AGPAT1: variants seen among roughly 807,000 people sequenced by gnomAD.
AGPAT1 encodes the protein 1-acyl-sn-glycerol-3-phosphate acyltransferase alpha.
In AGPAT1, 6 loss-of-function variants were observed where a neutral mutation model predicts 31.2. The observed-to-expected ratio is 0.19, with a 90% confidence interval of 0.11 to 0.38. AGPAT1 has a LOEUF of 0.38. Among genes scored for constraint, AGPAT1 ranks in the 10% least tolerant of loss-of-function variants. AGPAT1 has a pLI of 1.00. For missense variants in AGPAT1, 187 were observed against 377.8 expected (o/e 0.49, Z 4.19); for synonymous variants, 139 against 154.0 (o/e 0.90, Z 0.72).
At chr6:32,176,146 C>T (rs955195137), upstream of AGPAT1, 18 of 985,346 alleles carry the variant, frequency 1.8e-5, no homozygotes, top group Admixed American at 4.9e-4. Context: ...AAGTGGAGGG[C>T]GGTGATGGGC....
Position 32,170,499 on chromosome 6 carries a change from AGAT to A in AGPAT1, c.433_435del (p.Ile145del). 6.2e-7 allele frequency: 1 copy of A among 1,613,084 alleles called. No individual in the cohort carries two copies. Among genetic ancestry groups the A allele is most frequent in the Non-Finnish European group, 8.5e-7 (1 of 1,180,038 alleles). On this transcript the variant is annotated inframe_deletion, in exon 4 of 7. Coordinates refer to ENST00000375107, the MANE Select transcript of AGPAT1 (RefSeq NM_006411.4). The surrounding 1 kb of genome is among the most constrained non-coding windows in gnomAD (Gnocchi z 7.7). Reference sequence around the variant, plus strand: ...TCCCCCGTGCGCTTCCGGTCGATGAAGATGACTCCTGCCAGCCAGCAGGCCAGC... The same window carrying A: ...TCCCCCGTGCGCTTCCGGTCGATGAAGACTCCTGCCAGCCAGCAGGCCAGC...
Position 32,169,555 on chromosome 6 carries a change from C to T in AGPAT1, c.680-107G>A, listed in dbSNP as rs1784869930. 7.2e-7 allele frequency: 1 copy of T among 1,391,384 alleles called. No individual in the cohort carries two copies. Among genetic ancestry groups the T allele is most frequent in the Non-Finnish European group, 9.8e-7 (1 of 1,021,754 alleles). The allele number at this position is 1,391,384 out of a possible 1,614,324, so 86.2% of individuals were successfully genotyped here. A position where few individuals can be genotyped will look rare whatever the true frequency, so the allele number is the denominator to read the frequency against. ...TCCTCAACCTTTCAGTTCTCTTCCC[C>T]CAACCCTGGACAACCATCCCTGGGC... On this transcript the variant is annotated intron_variant, in intron 6 of 6. Coordinates refer to ENST00000375107, the MANE Select transcript of AGPAT1 (RefSeq NM_006411.4). This position sits in a 1 kb window ranked among gnomAD's most constrained non-coding sequence, Gnocchi z 5.9.
In AGPAT1 at chr6:32,172,828, C is replaced by A. The variant is rs952752222; in HGVS notation, c.-9-1323G>T. On this transcript the variant is annotated intron_variant, in intron 1 of 6. Transcript: ENST00000375107. This position sits in a 1 kb window ranked among gnomAD's most constrained non-coding sequence, Gnocchi z 4.3. Reference sequence around the variant, plus strand: ...AGACTAACATGTTCACACATAGACACAAATTTATAATTACACCCAGTGACA... The same window carrying A: ...AGACTAACATGTTCACACATAGACAAAAATTTATAATTACACCCAGTGACA... 1 of 152,162 alleles carries A rather than the reference C, an allele frequency of 6.6e-6. No individual in the cohort carries two copies. Among genetic ancestry groups the A allele is most frequent in the African/African-American group, 2.4e-5 (1 of 41,426 alleles). The allele number at this position is 152,162 out of a possible 1,614,324, so 9.4% of individuals were successfully genotyped here. A position where few individuals can be genotyped will look rare whatever the true frequency, so the allele number is the denominator to read the frequency against.
In AGPAT1 at chr6:32,170,063, G is replaced by T. The variant is rs1425160341; in HGVS notation, c.607-25C>A. On this transcript the variant is annotated intron_variant, in intron 5 of 6. Coordinates refer to ENST00000375107, the MANE Select transcript of AGPAT1 (RefSeq NM_006411.4). The surrounding 1 kb of genome is among the most constrained non-coding windows in gnomAD (Gnocchi z 7.7). ...CCTGGGGAAGGGTTAAAGCAGGTCA[G>T]TCCACAGCTCTCTTCAGAGACTCCT... 1 of 1,611,960 alleles carries T rather than the reference G, an allele frequency of 6.2e-7. No individual in the cohort carries two copies.
Position 32,170,294 on chromosome 6 carries a change from C to T in AGPAT1, c.511-34G>A, listed in dbSNP as rs769583993. The stretch of plus-strand genomic sequence containing the variant: ...GAAAGAGGGTCAAAGAAGACAAATA[C>T]ATATGGAGGAGTCAGAATAGGTGTG... On this transcript the variant is annotated intron_variant, in intron 4 of 6. Transcript: ENST00000375107. This position sits in a 1 kb window ranked among gnomAD's most constrained non-coding sequence, Gnocchi z 7.7. 5.0e-6 allele frequency: 8 copies of T among 1,607,300 alleles called. No individual in the cohort carries two copies. The highest frequency in any genetic ancestry group is 1.1e-5 in the South Asian group (1 of 90,446).
rs1785496536 is a variant in AGPAT1 at position 32,175,852 on chromosome 6, C to T, written c.-48G>A. ...GGGGCCTGGGGGGCTGGCCCCCTCC[C>T]CAGCCAGGCTGCGGCAGCGGTGGTG... is the stretch of plus-strand genomic sequence containing the variant. On this transcript the variant is annotated 5_prime_UTR_variant, in exon 1 of 7. Coordinates refer to ENST00000375107, the MANE Select transcript of AGPAT1 (RefSeq NM_006411.4). This position sits in a 1 kb window ranked among gnomAD's most constrained non-coding sequence, Gnocchi z 4.5. The T allele has an allele frequency of 1.0e-6, 1 of 986,432 alleles. No individual in the cohort carries two copies. Among genetic ancestry groups the T allele is most frequent in the Non-Finnish European group, 1.2e-6 (1 of 830,714 alleles). The allele number at this position is 986,432 out of a possible 1,614,324, so 61.1% of individuals were successfully genotyped here. A position where few individuals can be genotyped will look rare whatever the true frequency, so the allele number is the denominator to read the frequency against.
Position 32,170,640 on chromosome 6 carries a change from CAG to C in AGPAT1, c.335-42_335-41del, listed in dbSNP as rs1785005709. ...GAGTGGGTGAGGATCGGGGTGGAGGCAGAGTGTCACAGAAGGCAACCCACCTC... is the reference window on the plus strand; with the variant it reads ...GAGTGGGTGAGGATCGGGGTGGAGGCAGTGTCACAGAAGGCAACCCACCTC... On this transcript the variant is annotated intron_variant, in intron 3 of 6. Transcript: ENST00000375107. The surrounding 1 kb of genome is among the most constrained non-coding windows in gnomAD (Gnocchi z 7.7). 1 of 1,600,250 alleles carries C rather than the reference CAG, an allele frequency of 6.2e-7. No homozygotes were observed.
At position 32,169,917 on chromosome 6, in the gene AGPAT1, C is replaced by T. The variant is rs753595902; in HGVS notation, c.679+49G>A. 14 of 1,531,658 alleles carry T rather than the reference C, an allele frequency of 9.1e-6. No homozygotes were observed. Among genetic ancestry groups the T allele is most frequent in the Admixed American group, 8.4e-5 (5 of 59,400 alleles). The allele number at this position is 1,531,658 out of a possible 1,614,324, so 94.9% of individuals were successfully genotyped here. On this transcript the variant is annotated intron_variant, in intron 6 of 6. Transcript: ENST00000375107. This position sits in a 1 kb window ranked among gnomAD's most constrained non-coding sequence, Gnocchi z 5.9. Reference sequence around the variant, plus strand: ...TCCCCCTGCCTCACAGGGATGTCCTCCCAGCCTCTCCGGACACACCCTACC... The same window carrying T: ...TCCCCCTGCCTCACAGGGATGTCCTTCCAGCCTCTCCGGACACACCCTACC...
chr6:32,171,709 C>T lies in AGPAT1; in HGVS notation c.-9-204G>A. The T allele has an allele frequency of 1.6e-6, 1 of 638,450 alleles. No individual in the cohort carries two copies. The allele number at this position is 638,450 out of a possible 1,614,324, so 39.5% of individuals were successfully genotyped here. ...AAAGAGCTCAGGACTGCTCTCCCAC[C>T]ACTCTTCCCAAAGGCTCCGGATATA... On this transcript the variant is annotated intron_variant, in intron 1 of 6. Transcript: ENST00000375107. The surrounding 1 kb of genome is among the most constrained non-coding windows in gnomAD (Gnocchi z 6.9).
rs1785500979 is a variant in AGPAT1, at chr6:32,175,917, C to G, written c.-113G>C. 1 of 985,934 alleles carries G rather than the reference C, an allele frequency of 1.0e-6. No homozygotes were observed. Among genetic ancestry groups the G allele is most frequent in the Non-Finnish European group, 1.2e-6 (1 of 830,324 alleles). The allele number at this position is 985,934 out of a possible 1,614,324, so 61.1% of individuals were successfully genotyped here. A position where few individuals can be genotyped will look rare whatever the true frequency, so the allele number is the denominator to read the frequency against. ...CTCTGTCTCTGTCGGGGTGTCGGTG[C>G]CAAGGGGGCGACGGGATTTGGGGGT... On this transcript the variant is annotated 5_prime_UTR_variant, in exon 1 of 7. Transcript: ENST00000375107. This position sits in a 1 kb window ranked among gnomAD's most constrained non-coding sequence, Gnocchi z 4.5.
chr6:32,171,826 G>A lies in AGPAT1; in HGVS notation c.-9-321C>T, dbSNP rs1785133723. 2.0e-6 allele frequency: 1 copy of A among 507,372 alleles called. No homozygotes were observed. The highest frequency in any genetic ancestry group is 3.6e-6 in the Non-Finnish European group (1 of 280,918). 31.4% of individuals were successfully genotyped at this position (507,372 alleles called of 1,614,324 possible). A position where few individuals can be genotyped will look rare whatever the true frequency, so the allele number is the denominator to read the frequency against. On this transcript the variant is annotated intron_variant, in intron 1 of 6. Coordinates refer to ENST00000375107, the MANE Select transcript of AGPAT1 (RefSeq NM_006411.4). This position sits in a 1 kb window ranked among gnomAD's most constrained non-coding sequence, Gnocchi z 6.9. ...GAATAATAGCTAACACTTGTAGCTG[G>A]TAAGGGTCTTATAATGGTCTATACT...
In AGPAT1 at chr6:32,171,244, A is replaced by G. The variant is rs1177534886; in HGVS notation, c.200+53T>C. 2 of 1,611,344 alleles carry G rather than the reference A, an allele frequency of 1.2e-6. No individual in the cohort carries two copies. Among genetic ancestry groups the G allele is most frequent in the Non-Finnish European group, 1.7e-6 (2 of 1,179,442 alleles). Reference sequence around the variant, plus strand: ...CCATGCCCCCTTCCCCCAATCCACTACTCACTTTGTACCCTTAGGTTCCCT... The same window carrying G: ...CCATGCCCCCTTCCCCCAATCCACTGCTCACTTTGTACCCTTAGGTTCCCT... On this transcript the variant is annotated intron_variant, in intron 2 of 6. Transcript: ENST00000375107. This position sits in a 1 kb window ranked among gnomAD's most constrained non-coding sequence, Gnocchi z 6.9.
At chr6:32,177,356 G>T, upstream of AGPAT1, 1 of 352,744 alleles carries the variant, frequency 2.8e-6, no homozygotes, top group Non-Finnish European at 5.1e-6. Flanking sequence ...GGAAAGGGCG[G>T]GTCTAGCCTC....
upstream of AGPAT1, chr6:32,177,212 T>G: frequency 2.5e-6 from 1 of 397,828 alleles, no homozygotes; most frequent in Non-Finnish European, 4.4e-6. Context: ...GGGAAGAGGA[T>G]TGGTAGTGGG....
Position 32,169,101 on chromosome 6 carries a change from G to C in AGPAT1, c.*175C>G. 1.5e-6 allele frequency: 1 copy of C among 686,608 alleles called. No homozygotes were observed. Among genetic ancestry groups the C allele is most frequent in the Non-Finnish European group, 2.4e-6 (1 of 413,310 alleles). 42.5% of individuals were successfully genotyped at this position (686,608 alleles called of 1,614,324 possible). ...AGAGTCCATGGATGGGGCCAAGAGG[G>C]GGCAGGAGTGGCGCTGTATCCACAT... On this transcript the variant is annotated 3_prime_UTR_variant, in exon 7 of 7. Coordinates refer to ENST00000375107, the MANE Select transcript of AGPAT1 (RefSeq NM_006411.4). The surrounding 1 kb of genome is among the most constrained non-coding windows in gnomAD (Gnocchi z 5.9).
Position 32,169,573 on chromosome 6 carries a change from C to G in AGPAT1, c.680-125G>C. ...TCTTCCCCCAACCCTGGACAACCAT[C>G]CCTGGGCTTGCCAGCTGCCACTTCT... On this transcript the variant is annotated intron_variant, in intron 6 of 6. Transcript: ENST00000375107. This position sits in a 1 kb window ranked among gnomAD's most constrained non-coding sequence, Gnocchi z 5.9. 1 of 1,243,936 alleles carries G rather than the reference C, an allele frequency of 8.0e-7. No homozygotes were observed. Among genetic ancestry groups the G allele is most frequent in the South Asian group, 1.4e-5 (1 of 69,976 alleles). 77.1% of individuals were successfully genotyped at this position (1,243,936 alleles called of 1,614,324 possible).
Position 32,169,320 on chromosome 6 carries a change from G to T in AGPAT1, c.808C>A (p.Arg270=), listed in dbSNP as rs773946115. Residue 270 remains arginine, a synonymous_variant, in exon 7 of 7, where the codon CGG becomes AGG. Transcript: ENST00000375107. The surrounding 1 kb of genome is among the most constrained non-coding windows in gnomAD (Gnocchi z 5.9). ...TVFREISTDG[R]GGGDYLKKPG... is the part of the protein sequence containing the mutation. ...TTCTTCAGATAGTCACCACCACCCC[G>T]GCCATCAGTGGAGATTTCCCGGAAA... is the stretch of plus-strand genomic sequence containing the variant. 2 of 1,612,912 alleles carry T rather than the reference G, an allele frequency of 1.2e-6. No homozygotes were observed. Among genetic ancestry groups the T allele is most frequent in the East Asian group, 2.2e-5 (1 of 44,868 alleles).
At position 32,171,727 on chromosome 6, in the gene AGPAT1, C is replaced by T. The variant is rs910024894; in HGVS notation, c.-9-222G>A. 2.3e-5 allele frequency: 14 copies of T among 607,926 alleles called. No homozygotes were observed. Among genetic ancestry groups the T allele is most frequent in the East Asian group, 8.3e-5 (3 of 36,242 alleles). The allele number at this position is 607,926 out of a possible 1,614,324, so 37.7% of individuals were successfully genotyped here. On this transcript the variant is annotated intron_variant, in intron 1 of 6. Transcript: ENST00000375107. The surrounding 1 kb of genome is among the most constrained non-coding windows in gnomAD (Gnocchi z 6.9). ...CTCCCACCACTCTTCCCAAAGGCTC[C>T]GGATATATTCAGACAAGAGACACAA...
rs1000087124 is a variant in AGPAT1 at position 32,169,522 on chromosome 6, G to A, written c.680-74C>T. On this transcript the variant is annotated intron_variant, in intron 6 of 6. Transcript: ENST00000375107. This position sits in a 1 kb window ranked among gnomAD's most constrained non-coding sequence, Gnocchi z 5.9. ...CACAGGTGGGGCCCAGCTTCCGAGT[G>A]ATACTCTTCCTCAACCTTTCAGTTC... 4 of 1,546,548 alleles carry A rather than the reference G, an allele frequency of 2.6e-6. No homozygotes were observed. The highest frequency in any genetic ancestry group is 3.5e-6 in the Non-Finnish European group (4 of 1,134,288).
Sources: allele counts gnomAD v4.1 joint callset, GRCh38; gene constraint gnomAD v4.1.1; non-coding constraint Gnocchi (gnomAD v3.1); transcripts MANE v1.5; gene names NCBI Gene and HGNC (gene_info 2026-07-23, HGNC 2026-07-21).